The following SDR9C7 variants were observed in gnomAD, a reference collection of about 807,000 sequenced individuals.
SDR9C7 encodes the protein short-chain dehydrogenase/reductase family 9C member 7.
A neutral mutation model predicts 23.6 loss-of-function variants in SDR9C7; 11 were observed. That is an observed-to-expected ratio of 0.47 (90% CI 0.29 to 0.77). The LOEUF is 0.77. Among genes scored for constraint, SDR9C7 ranks in the 30% least tolerant of loss-of-function variants. The probability of loss-of-function intolerance (pLI) is 0.09; values close to 1 mark genes in which losing one functional copy is unlikely to be tolerated. For synonymous variants in SDR9C7, 167 were observed against 157.3 expected, an observed-to-expected ratio of 1.06 and a Z score of -0.46; for missense variants, 387 against 407.1, an observed-to-expected ratio of 0.95 and a Z score of 0.42.
chr12:56,928,530 G>A (rs1341910348), intron 3 of SDR9C7, among the ~76,000 whole-genome samples: 1 of 152,250 alleles, frequency 6.6e-6, no homozygotes. Context: ...AGGCAGTGAA[G>A]GGCAGGCATA....
At chr12:56,927,569 G>A (rs568035516) in intron 3 of SDR9C7, among the ~76,000 whole-genome samples, 1 of 152,316 alleles carries the variant, frequency 6.6e-6, no homozygotes, top group African/African-American at 2.4e-5. Context: ...ACATTCCCCT[G>A]GGCGCAGTGA....
Position 56,934,277 on chromosome 12 carries a change from T to G in SDR9C7, c.-16A>C. The G allele has an allele frequency of 6.2e-7, 1 of 1,604,510 alleles. No individual in the cohort carries two copies. The highest frequency in any genetic ancestry group is 8.5e-7 in the Non-Finnish European group (1 of 1,174,500). On this transcript the variant is annotated 5_prime_UTR_variant, in exon 1 of 4. Transcript: ENST00000293502. ...GGGCCGCCATAGGGCAAGGGGAATGTGATGGCCAAGAGGGACTGGGCTCAG... is the reference window on the plus strand; with the variant it reads ...GGGCCGCCATAGGGCAAGGGGAATGGGATGGCCAAGAGGGACTGGGCTCAG...
rs779608579 is a variant in SDR9C7 at position 56,934,226 on chromosome 12, G to A, written c.36C>T (p.Arg12=). ...AALTDLSFMY[R]WFKNCNLVGN... is the part of the protein sequence containing the mutation. ...CAACCAGATTGCAGTTCTTGAACCA[G>A]CGATACATAAATGAGAGGTCTGTGA... is the stretch of plus-strand genomic sequence containing the variant. The change falls in exon 1 of 4, where the codon CGC becomes CGT. Residue 12 remains arginine (R), a synonymous_variant. Transcript: ENST00000293502. The A allele has an allele frequency of 4.2e-5, 68 of 1,614,084 alleles. No homozygotes were observed. The highest frequency in any genetic ancestry group is 1.8e-4 in the Admixed American group (11 of 60,014).
Position 56,934,126 on chromosome 12 carries a change from C to T in SDR9C7, c.136G>A (p.Val46Ile). The change falls in exon 1 of 4, where the codon GTT becomes ATT. Residue 46 changes from valine (V) to isoleucine (I), a missense_variant. Val to Ile is a conservative substitution (Grantham distance 29, BLOSUM62 3). Coordinates refer to ENST00000293502, the MANE Select transcript of SDR9C7 (RefSeq NM_148897.3). Reference sequence around the variant, plus strand: ...GCCAGCACCTGCATGCCCCGATCAACCAGCTGTTTGGCCAGCAGGTTCCCG... The same window carrying T: ...GCCAGCACCTGCATGCCCCGATCAATCAGCTGTTTGGCCAGCAGGTTCCCG... Reference protein sequence around the residue: ...GFGNLLAKQLVDRGMQVLAAC... With the variant: ...GFGNLLAKQLIDRGMQVLAAC... 1 of 1,614,224 alleles carries T rather than the reference C, an allele frequency of 6.2e-7. No homozygotes were observed. Among genetic ancestry groups the T allele is most frequent in the Non-Finnish European group, 8.5e-7 (1 of 1,180,050 alleles).
chr12:56,934,375 TCTC>T lies in SDR9C7; in HGVS notation c.-117_-115del. ...GCAGGAAACCACCTGGAAGAAGAAC[TCTC>T]CTTCCTCCCACAGCTTGCAACAAAT... On this transcript the variant is annotated 5_prime_UTR_variant, in exon 1 of 4. Transcript: ENST00000293502. 1 of 854,332 alleles carries T rather than the reference TCTC, an allele frequency of 1.2e-6. No homozygotes were observed. The highest frequency in any genetic ancestry group is 1.7e-5 in the South Asian group (1 of 58,650). The allele number at this position is 854,332 out of a possible 1,614,324, so 52.9% of individuals were successfully genotyped here.
Position 56,934,227 on chromosome 12 carries a change from C to T in SDR9C7, c.35G>A (p.Arg12His), listed in dbSNP as rs751354444. 25 of 1,613,930 alleles carry T rather than the reference C, an allele frequency of 1.5e-5. No individual in the cohort carries two copies. The highest frequency in any genetic ancestry group is 4.5e-5 in the East Asian group (2 of 44,886). The change falls in exon 1 of 4, where the codon CGC becomes CAC. Residue 12 changes from arginine to histidine, a missense_variant. Physicochemically the swap from Arg to His is conservative, Grantham distance 29. Transcript: ENST00000293502. Reference protein sequence around the residue: ...AALTDLSFMYRWFKNCNLVGN... With the variant: ...AALTDLSFMYHWFKNCNLVGN... ...AACCAGATTGCAGTTCTTGAACCAGCGATACATAAATGAGAGGTCTGTGAG... is the reference window on the plus strand; with the variant it reads ...AACCAGATTGCAGTTCTTGAACCAGTGATACATAAATGAGAGGTCTGTGAG...
At chr12:56,929,664 T>C (rs1294724376) in intron 2 of SDR9C7, 111 bp from the exon 3 acceptor site, 3 of 1,281,434 alleles carry the variant, frequency 2.3e-6, no homozygotes, top group Non-Finnish European at 3.3e-6. Context: ...CTCTCACCCC[T>C]GTACTTGGCC....
At chr12:56,932,593 TTAAG>T (rs1426453912) in intron 1 of SDR9C7, among the ~76,000 whole-genome samples, 5 of 152,216 alleles carry the variant, frequency 3.3e-5, no homozygotes, top group Admixed American at 3.3e-4. Flanking sequence ...AAGTGAGGTA[TTAAG>T]GCAAGTGGCT....
chr12:56,929,251 C>T, intron 3 of SDR9C7, 139 bp downstream of exon 3: 3 of 832,708 alleles, frequency 3.6e-6, no homozygotes, highest in Non-Finnish European at 5.7e-6. Flanking sequence ...TATTCTCAAA[C>T]CCCAGCTGTG....
chr12:56,923,700 AG>A lies in SDR9C7; in HGVS notation c.*132del. ...AGAAGTTACTGGTAAATTCGACAGCAGTGGGTGTCAGCTGAGCCAAGCTTCC... is the reference window on the plus strand; with the variant it reads ...AGAAGTTACTGGTAAATTCGACAGCATGGGTGTCAGCTGAGCCAAGCTTCC... On this transcript the variant is annotated 3_prime_UTR_variant, in exon 4 of 4. Transcript: ENST00000293502. 7.2e-6 allele frequency: 5 copies of A among 695,858 alleles called. No individual in the cohort carries two copies. The highest frequency in any genetic ancestry group is 1.2e-5 in the Non-Finnish European group (5 of 414,174). The allele number at this position is 695,858 out of a possible 1,614,324, so 43.1% of individuals were successfully genotyped here. A position where few individuals can be genotyped will look rare whatever the true frequency, so the allele number is the denominator to read the frequency against.
chr12:56,928,803 T>C (rs781231761), intron 3 of SDR9C7, among the ~76,000 whole-genome samples: 1 of 152,106 alleles, frequency 6.6e-6, no homozygotes, highest in Non-Finnish European at 1.5e-5. Context: ...ACACCTATGA[T>C]TCACAGGAGA....
chr12:56,930,184 G>A, intron 2 of SDR9C7, 42 bp downstream of exon 2: 1 of 1,604,876 alleles, frequency 6.2e-7, no homozygotes, highest in East Asian at 2.2e-5. Context: ...TCTAATCTCT[G>A]GGATTTTCAC....
At chr12:56,930,829 C>T (rs1364090485) in intron 1 of SDR9C7, among the ~76,000 whole-genome samples, 1 of 152,236 alleles carries the variant, frequency 6.6e-6, no homozygotes, top group Non-Finnish European at 1.5e-5. Context: ...TTCTCCCTCT[C>T]TATTCACTTA....
Position 56,929,417 on chromosome 12 carries a change from T to C in SDR9C7, c.697A>G (p.Ser233Gly). ...WERLPQETRD[S>G]YGEDYFRIYT... ...ATGCGGAAATAATCCTCTCCGTAGCTGTCCCGGGTCTCCTGAGGCAGCCTC... is the reference window on the plus strand; with the variant it reads ...ATGCGGAAATAATCCTCTCCGTAGCCGTCCCGGGTCTCCTGAGGCAGCCTC... Residue 233 changes from serine to glycine, a missense_variant, in exon 3 of 4, where the codon AGC becomes GGC. Coordinates refer to ENST00000293502, the MANE Select transcript of SDR9C7 (RefSeq NM_148897.3). 1 of 1,611,382 alleles carries C rather than the reference T, an allele frequency of 6.2e-7. No homozygotes were observed. The highest frequency in any genetic ancestry group is 8.5e-7 in the Non-Finnish European group (1 of 1,177,650).
At chr12:56,924,474 C>A (rs1239369653) in intron 3 of SDR9C7, among the ~76,000 whole-genome samples, 2 of 150,936 alleles carry the variant, frequency 1.3e-5, no homozygotes, top group Admixed American at 1.3e-4. Context: ...TCTTATTTAT[C>A]TTTCTGAATT....
chr12:56,929,975 C>T (rs1955757613), intron 2 of SDR9C7, among the ~76,000 whole-genome samples: 1 of 152,216 alleles, frequency 6.6e-6, no homozygotes, highest in Non-Finnish European at 1.5e-5. Context: ...CTCTCACAGG[C>T]CCAAACAGGG....
intron 1 of SDR9C7, among the ~76,000 whole-genome samples, chr12:56,933,049 G>A (rs1402740224): frequency 6.6e-6 from 1 of 152,186 alleles, no homozygotes; most frequent in African/African-American, 2.4e-5. Flanking sequence ...TGCTGGAAGT[G>A]CATGAGGCAG....
intron 3 of SDR9C7, among the ~76,000 whole-genome samples, chr12:56,924,845 C>T (rs547148893): frequency 6.6e-6 from 1 of 152,276 alleles, no homozygotes; most frequent in East Asian, 1.9e-4. Flanking sequence ...CACTTGAACT[C>T]AGGAGTGGGA....
intron 3 of SDR9C7, among the ~76,000 whole-genome samples, chr12:56,924,807 G>C (rs1244980002): frequency 6.6e-6 from 1 of 152,100 alleles, no homozygotes; most frequent in Non-Finnish European, 1.5e-5. Flanking sequence ...TATAATCGCA[G>C]CTACTCAGGA....
Sources: allele counts gnomAD v4.1 joint callset (sites outside exome capture counted in the v4.1 genomes callset), GRCh38; gene constraint gnomAD v4.1.1; transcripts MANE v1.5; gene names NCBI Gene and HGNC (gene_info 2026-07-23, HGNC 2026-07-21).